The following CUBN variants were observed in gnomAD, a reference collection of about 807,000 sequenced individuals.
CUBN encodes the protein cubilin, also known as 460 kDa receptor.
CUBN carries 282 observed loss-of-function variants against 405.3 expected under a neutral mutation model. The observed-to-expected ratio is 0.70, with a 90% CI of 0.63 to 0.77. CUBN has a LOEUF of 0.77. Ranked by LOEUF, CUBN falls within the 30% of genes least tolerant of loss-of-function variation. The probability of loss-of-function intolerance (pLI) is 0.00; values close to 1 mark genes in which losing one functional copy is unlikely to be tolerated. For synonymous variants in CUBN, 1,684 were observed against 1,617.0 expected (o/e 1.04, Z -0.99); for missense variants, 4,514 against 4,475.2 (o/e 1.01, Z -0.25).
chr10:17,084,129 A>G, intron 17 of CUBN, 142 bp downstream of exon 17: 1 of 778,872 alleles, frequency 1.3e-6, no homozygotes, highest in Non-Finnish European at 2.2e-6. Context: ...TAGTCATTAG[A>G]GCTTAGTTAT....
At chr10:16,848,180 T>C (rs1217775144) in intron 60 of CUBN, among the ~76,000 whole-genome samples, 1 of 152,238 alleles carries the variant, frequency 6.6e-6, no homozygotes, top group Non-Finnish European at 1.5e-5. Context: ...ATTCAGACAA[T>C]GACAGGCTGT....
chr10:16,982,662 G>C lies in CUBN; in HGVS notation c.4526-9C>G, dbSNP rs752803274. 6.2e-7 allele frequency: 1 copy of C among 1,610,040 alleles called. No individual in the cohort carries two copies. The highest frequency in any genetic ancestry group is 8.5e-7 in the Non-Finnish European group (1 of 1,177,330). ...GAAAATCCCACCACAACCTGGAAGT[G>C]GGGAACACAATTATTTCATGAGAGG... On this transcript the variant is annotated splice_polypyrimidine_tract_variant and intron_variant, in intron 30 of 66. Coordinates refer to ENST00000377833, the MANE Select transcript of CUBN (RefSeq NM_001081.4).
chr10:17,001,137 T>C (rs551336109), intron 28 of CUBN, among the ~76,000 whole-genome samples: 39 of 152,214 alleles, frequency 2.6e-4, no homozygotes, highest in Admixed American at 1.9e-3. Flanking sequence ...TTCTTCCCGG[T>C]GGGTTTCTGG....
chr10:17,122,695 G>T, intron 6 of CUBN, 100 bp downstream of exon 6: 1 of 750,348 alleles, frequency 1.3e-6, no homozygotes. Context: ...ACCAACTTTT[G>T]GTGGAATACA....
intron 27 of CUBN, among the ~76,000 whole-genome samples, chr10:17,029,510 A>G (rs1470856802): frequency 6.6e-6 from 1 of 152,252 alleles, no homozygotes; most frequent in Non-Finnish European, 1.5e-5. Flanking sequence ...TCCAGGTATC[A>G]TGCTTAGTAC....
chr10:16,878,073 A>G lies in CUBN; in HGVS notation c.8906-976T>C, dbSNP rs1246507574. On this transcript the variant is annotated intron_variant, in intron 56 of 66. Transcript: ENST00000377833. ...GAGGCCTAGGCGGGCGGATCACCTG[A>G]GTTCAGGAATTCGAGGCCAGCCTGG... is the stretch of plus-strand genomic sequence containing the variant. Among the ~76,000 whole-genome samples the G allele has an allele frequency of 3.9e-5, 6 of 152,214 alleles. No homozygotes were observed. The South Asian group carries it at 6.2e-4, about 16-fold the overall frequency.
intron 17 of CUBN, among the ~76,000 whole-genome samples, chr10:17,078,910 C>G (rs978587790): frequency 1.3e-5 from 2 of 152,182 alleles, no homozygotes; most frequent in Non-Finnish European, 2.9e-5. Context: ...GCTTACTGCT[C>G]TACATCACGC....
At chr10:17,125,682 C>T (rs1354192726) in intron 4 of CUBN, among the ~76,000 whole-genome samples, 1 of 152,172 alleles carries the variant, frequency 6.6e-6, no homozygotes, top group Non-Finnish European at 1.5e-5. Flanking sequence ...GGCCAGAGAG[C>T]ATTTGCCCTA....
chr10:16,982,587 C>G lies in CUBN; in HGVS notation c.4592G>C (p.Arg1531Thr). Residue 1531 changes from arginine (R) to threonine (T), a missense_variant, in exon 31 of 67, where the codon AGG (arginine) becomes ACG (threonine). Transcript: ENST00000377833. ...GACCCAAGAACAGTCTGTGTTGCTC[C>G]TATAAGGACTGGGGTAATTTGGAGA... ...IHSPNYPSPY[R>T]SNTDCSWVIR... The G allele has an allele frequency of 6.2e-7, 1 of 1,613,708 alleles. No homozygotes were observed. Among genetic ancestry groups the G allele is most frequent in the Admixed American group, 1.7e-5 (1 of 60,028 alleles).
chr10:17,114,058 T>A lies in CUBN; in HGVS notation c.852A>T (p.Gln284His). The A allele has an allele frequency of 6.2e-7, 1 of 1,613,076 alleles. No homozygotes were observed. The highest frequency in any genetic ancestry group is 2.2e-5 in the East Asian group (1 of 44,836). Residue 284 changes from glutamine (Q) to histidine (H), a missense_variant, in exon 8 of 67, where the codon CAA becomes CAT. By Grantham distance (24) the Gln-to-His change is conservative (BLOSUM62 0). Transcript: ENST00000377833. ...CSTLVQCFNT[Q>H]GSFYCGACPT... ...GACAGGCCCCACAGTAGAAAGAGCC[T>A]TGAGTGTTGAAACACTGCACAAGTG...
At position 17,014,364 on chromosome 10, in the gene CUBN, C is replaced by T. The variant is rs150557572; in HGVS notation, c.4168+5469G>A. Reference sequence around the variant, plus strand: ...TTTAAGGTTTTGAAGGCTGTTTCTGCCCCTGGTTCCCATTCTACTAGATGA... The same window carrying T: ...TTTAAGGTTTTGAAGGCTGTTTCTGTCCCTGGTTCCCATTCTACTAGATGA... On this transcript the variant is annotated intron_variant, in intron 28 of 66. Coordinates refer to ENST00000377833, the MANE Select transcript of CUBN (RefSeq NM_001081.4). Among the ~76,000 whole-genome samples, 737 of 152,266 alleles carry T rather than the reference C, an allele frequency of 4.8e-3. 3 individuals carry two copies. The highest frequency in any genetic ancestry group is 0.033 in the East Asian group (172 of 5,176).
intron 22 of CUBN, among the ~76,000 whole-genome samples, chr10:17,057,387 G>C (rs149418401): frequency 0.017 from 2,539 of 152,122 alleles, 214 homozygotes; most frequent in Admixed American, 0.14. Flanking sequence ...TGGCGCTGTT[G>C]GGCATGTCTT....
rs761856441 is a variant in CUBN at position 16,958,611 on chromosome 10, A to G, written c.4696-4063T>C. ...TGTGATGAGCATGTTATAATTTTAC[A>G]AGCTCCATCACAAACATCCTAACCT... On this transcript the variant is annotated intron_variant, in intron 31 of 66. Coordinates refer to ENST00000377833, the MANE Select transcript of CUBN (RefSeq NM_001081.4). 2.6e-5 allele frequency among the ~76,000 whole-genome samples: 4 copies of G among 152,206 alleles called. 1 individual carries two copies. Among genetic ancestry groups the G allele is most frequent in the Admixed American group, 1.3e-4 (2 of 15,288 alleles).
intron 2 of CUBN, 144 bp from the exon 3 acceptor site, chr10:17,128,068 C>G: frequency 1.7e-6 from 1 of 600,388 alleles, no homozygotes; most frequent in South Asian, 2.0e-5. Context: ...AAAACAACAC[C>G]ATGCGTAATA....
chr10:16,903,000 G>C (rs1841440099), intron 51 of CUBN, among the ~76,000 whole-genome samples: 1 of 152,070 alleles, frequency 6.6e-6, no homozygotes, highest in East Asian at 1.9e-4. Context: ...AGTAGGGCTG[G>C]GTTTTCCAGC....
At chr10:16,882,647 G>A (rs1840695956) in intron 56 of CUBN, among the ~76,000 whole-genome samples, 1 of 152,222 alleles carries the variant, frequency 6.6e-6, no homozygotes, top group Non-Finnish European at 1.5e-5. Context: ...AAGAGGACTA[G>A]AGATGAGGGA....
intron 14 of CUBN, among the ~76,000 whole-genome samples, chr10:17,093,593 G>C (rs539519831): frequency 6.6e-6 from 1 of 151,952 alleles, no homozygotes; most frequent in African/African-American, 2.4e-5. Context: ...CTGAGAGGAA[G>C]ATAATATAAT....
chr10:17,063,964 C>T (rs1222838213), intron 22 of CUBN, among the ~76,000 whole-genome samples: 1 of 152,134 alleles, frequency 6.6e-6, no homozygotes, highest in Non-Finnish European at 1.5e-5. Flanking sequence ...TGCTTTGGGG[C>T]CAAACATACC....
In CUBN at chr10:17,104,510, C is replaced by T; in HGVS notation, c.1326G>A (p.Leu442=). 1 of 1,613,974 alleles carries T rather than the reference C, an allele frequency of 6.2e-7. No individual in the cohort carries two copies. The highest frequency in any genetic ancestry group is 1.7e-5 in the Admixed American group (1 of 60,000). Residue 442 remains leucine (L), a synonymous_variant, in exon 12 of 67, where the codon TTG becomes TTA. Transcript: ENST00000377833. ...NINECLSNPC[L]NGGTCVDGVD... Reference sequence around the variant, plus strand: ...CGCCATCAACACAAGTTCCTCCATTCAAACAGGGGTTGCTCAAACACTCAT... The same window carrying T: ...CGCCATCAACACAAGTTCCTCCATTTAAACAGGGGTTGCTCAAACACTCAT...
Sources: allele counts gnomAD v4.1 joint callset (sites outside exome capture counted in the v4.1 genomes callset), GRCh38; gene constraint gnomAD v4.1.1; transcripts MANE v1.5; gene names NCBI Gene and HGNC (gene_info 2026-07-23, HGNC 2026-07-21).